Variants in SLC8A1 observed in about 807,000 individuals in gnomAD.
SLC8A1 encodes the protein sodium/calcium exchanger 1.
A neutral mutation model predicts 68.3 loss-of-function variants in SLC8A1; 18 were observed. The ratio of observed to expected loss-of-function variants is 0.26; its 90% CI spans 0.18 to 0.39. SLC8A1 has a LOEUF of 0.39. Among genes scored for constraint, SLC8A1 ranks in the 10% least tolerant of loss-of-function variants. The pLI, the probability that SLC8A1 is intolerant of heterozygous loss-of-function variation, is 1.00. For synonymous variants in SLC8A1, 475 were observed against 415.5 expected (o/e 1.14, Z -1.74); for missense variants, 985 against 1,156.7 (o/e 0.85, Z 2.15).
chr2:40,278,119 T>C (rs2067008387), intron 2 of SLC8A1, among the ~76,000 whole-genome samples: 1 of 152,056 alleles, frequency 6.6e-6, no homozygotes, highest in African/African-American at 2.4e-5. Flanking sequence ...ACTTTTAATA[T>C]ACAATGGTTA....
intron 2 of SLC8A1, among the ~76,000 whole-genome samples, chr2:40,268,398 G>A (rs1011535266): frequency 1.3e-5 from 2 of 152,150 alleles, no homozygotes; most frequent in African/African-American, 4.8e-5. Context: ...AGGTAGAGTT[G>A]CCTCTAACAT....
At chr2:40,244,455 G>C (rs1219384013) in intron 2 of SLC8A1, among the ~76,000 whole-genome samples, 1 of 151,868 alleles carries the variant, frequency 6.6e-6, no homozygotes. Context: ...GTCACCCCAG[G>C]GGAAGACGTT....
chr2:40,381,637 G>T (rs989777693), intron 2 of SLC8A1, among the ~76,000 whole-genome samples: 1 of 151,786 alleles, frequency 6.6e-6, no homozygotes, highest in African/African-American at 2.4e-5. Context: ...CTGTCCTATA[G>T]AACAGATGTT....
chr2:40,338,090 T>TCTCC (rs990669163), intron 2 of SLC8A1, among the ~76,000 whole-genome samples: 3 of 151,970 alleles, frequency 2.0e-5, no homozygotes, highest in Non-Finnish European at 4.4e-5. Context: ...TCTCTCTCTC[T>TCTCC]CTCCCTCCCA....
At chr2:40,477,326 T>A (rs1055234958) in intron 1 of SLC8A1, among the ~76,000 whole-genome samples, 1 of 152,172 alleles carries the variant, frequency 6.6e-6, no homozygotes, top group Non-Finnish European at 1.5e-5. Context: ...CAGCTCCCTA[T>A]TTCTAGAACC....
At chr2:40,170,408 G>A in intron 4 of SLC8A1, 59 bp from the exon 7 acceptor site, 8 of 1,448,358 alleles carry the variant, frequency 5.5e-6, no homozygotes, top group Non-Finnish European at 7.8e-6. Flanking sequence ...TGCTATCAGA[G>A]CTTTGTGGAA....
intron 1 of SLC8A1, among the ~76,000 whole-genome samples, chr2:40,482,625 C>A (rs1006933437): frequency 2.6e-5 from 4 of 152,070 alleles, no homozygotes; most frequent in Non-Finnish European, 4.4e-5. Context: ...TGTGGTCACA[C>A]AGCTGGTAAG....
At chr2:40,287,429 T>C (rs1423580868) in intron 2 of SLC8A1, among the ~76,000 whole-genome samples, 1 of 152,116 alleles carries the variant, frequency 6.6e-6, no homozygotes, top group Non-Finnish European at 1.5e-5. Flanking sequence ...TTATCCATAA[T>C]GACCCTGAAT....
At chr2:40,312,381 T>C (rs376402801) in intron 2 of SLC8A1, among the ~76,000 whole-genome samples, 11 of 152,264 alleles carry the variant, frequency 7.2e-5, no homozygotes, top group South Asian at 4.1e-4. Flanking sequence ...GTTATATTAA[T>C]GGTGCCACTT....
At chr2:40,352,520 A>G (rs1262122429) in intron 2 of SLC8A1, among the ~76,000 whole-genome samples, 4 of 152,208 alleles carry the variant, frequency 2.6e-5, no homozygotes, top group African/African-American at 7.2e-5. Context: ...CTCATTTCCA[A>G]AACTGAGTGT....
intron 2 of SLC8A1, among the ~76,000 whole-genome samples, chr2:40,289,547 A>G (rs1003029702): frequency 6.6e-6 from 1 of 152,076 alleles, no homozygotes; most frequent in African/African-American, 2.4e-5. Flanking sequence ...AACAAAAAAA[A>G]GTTATTAAAA....
In SLC8A1 at chr2:40,370,065, G is replaced by A. The variant is rs570805598; in HGVS notation, c.1808+58408C>T. Among the ~76,000 whole-genome samples the A allele has an allele frequency of 2.6e-5, 4 of 152,162 alleles. No homozygotes were observed. In the South Asian group the frequency reaches 8.3e-4, roughly 32 times the overall value. The stretch of plus-strand genomic sequence containing the variant: ...GTTAGTCTTAGCAAACACAATACAG[G>A]GAGACATGGCATTTTAATAGCTTCA... On this transcript the variant is annotated intron_variant, in intron 2 of 7. Transcript: ENST00000406785.
chr2:40,299,515 G>A (rs991527744), intron 2 of SLC8A1, among the ~76,000 whole-genome samples: 1 of 138,292 alleles, frequency 7.2e-6, no homozygotes, highest in African/African-American at 3.0e-5. Flanking sequence ...TGGATGTGAC[G>A]TTAGGAAGGC....
chr2:40,344,628 T>G (rs568488374), intron 2 of SLC8A1, among the ~76,000 whole-genome samples: 1 of 152,176 alleles, frequency 6.6e-6, no homozygotes, highest in African/African-American at 2.4e-5. Flanking sequence ...ACCAGTCCTA[T>G]GAAGTAATAT....
At chr2:40,432,714 T>A (rs1021039656) in intron 1 of SLC8A1, among the ~76,000 whole-genome samples, 1 of 151,766 alleles carries the variant, frequency 6.6e-6, no homozygotes, top group Non-Finnish European at 1.5e-5. Context: ...AGGCATGGGC[T>A]TTGATGGGGT....
At chr2:40,377,654 A>C (rs1374974264) in intron 2 of SLC8A1, among the ~76,000 whole-genome samples, 2 of 152,106 alleles carry the variant, frequency 1.3e-5, no homozygotes, top group East Asian at 3.9e-4. Context: ...CATAGATAAT[A>C]AAAAACTCTG....
exon 2 of SLC8A1, chr2:40,430,025 C>T: frequency 6.2e-7 from 1 of 1,613,846 alleles, no homozygotes; most frequent in African/African-American, 1.3e-5. Context: ...AACATGTAGA[C>T]CATGGCCACA....
chr2:40,434,950 T>C (rs932883669), intron 1 of SLC8A1, among the ~76,000 whole-genome samples: 3 of 152,132 alleles, frequency 2.0e-5, no homozygotes, highest in Non-Finnish European at 4.4e-5. Context: ...GGGAGAGCTT[T>C]TGGAGCAGAG....
intron 2 of SLC8A1, among the ~76,000 whole-genome samples, chr2:40,332,081 T>G (rs147243833): frequency 3.7e-4 from 57 of 152,188 alleles, no homozygotes; most frequent in Middle Eastern, 3.4e-3. Context: ...TCCCTAAGTG[T>G]TGGGACTATA....
Sources: gnomAD v4.1 joint callset for allele counts (sites outside exome capture counted in the v4.1 genomes callset) on GRCh38, gnomAD v4.1.1 for gene constraint, MANE v1.5 for transcripts, NCBI Gene and HGNC (gene_info 2026-07-23, HGNC 2026-07-21) for gene names.